Variants in IFT88 observed in about 807,000 individuals in gnomAD.
The protein encoded by IFT88 is intraflagellar transport protein 88 homolog.
A neutral mutation model predicts 119.5 loss-of-function variants in IFT88; 74 were observed. That is an observed-to-expected ratio of 0.62 (90% CI 0.51 to 0.75). IFT88 has a LOEUF of 0.75. IFT88 is among the 30% of genes least tolerant of loss of function. The pLI, the probability that IFT88 is intolerant of heterozygous loss-of-function variation, is 0.00. For missense variants in IFT88, 961 were observed against 977.7 expected (o/e 0.98, Z 0.23); for synonymous variants, 279 against 316.7 (o/e 0.88, Z 1.26).
chr13:20,567,379 C>G (rs981436304), intron 1 of IFT88, 123 bp downstream of exon 1: 1 of 152,378 alleles, frequency 6.6e-6, no homozygotes, highest in African/African-American at 2.4e-5. Flanking sequence ...CCTGTCGGCC[C>G]CGGGGCGGTC....
At chr13:20,570,973 ATTTT>A (rs1037299516) in intron 1 of IFT88, among the ~76,000 whole-genome samples, 18 of 152,020 alleles carry the variant, frequency 1.2e-4, no homozygotes, top group African/African-American at 4.3e-4. Context: ...CTGAAAATTT[ATTTT>A]TTATTTATTT....
At chr13:20,598,806 A>C in intron 10 of IFT88, 53 bp downstream of exon 10, 1 of 1,035,640 alleles carries the variant, frequency 9.7e-7, no homozygotes, top group Non-Finnish European at 1.5e-6. Flanking sequence ...CGTAGTGTTA[A>C]TTTATGTCTC....
chr13:20,668,719 A>C (rs754080416), intron 23 of IFT88, among the ~76,000 whole-genome samples: 1 of 152,126 alleles, frequency 6.6e-6, no homozygotes, highest in Non-Finnish European at 1.5e-5. Context: ...GGGGACACAC[A>C]GGGGGTCTCC....
At chr13:20,625,058 C>G (rs182788409) in intron 14 of IFT88, among the ~76,000 whole-genome samples, 5 of 152,268 alleles carry the variant, frequency 3.3e-5, no homozygotes, top group Admixed American at 6.5e-5. Context: ...CACCCCCTAT[C>G]TCTTCTGTTA....
intron 25 of IFT88, 119 bp from the exon 26 acceptor site, chr13:20,690,935 G>T: frequency 7.1e-7 from 1 of 1,407,372 alleles, no homozygotes; most frequent in East Asian, 2.3e-5. Context: ...AATTTAAAAT[G>T]ACTTGGGAGA....
Position 20,644,868 on chromosome 13 carries a change from T to C in IFT88, c.1859T>C (p.Ile620Thr), listed in dbSNP as rs2050496356. Residue 620 changes from isoleucine (I) to threonine (T), a missense_variant, in exon 20 of 26, where the codon ATT (isoleucine) becomes ACT (threonine). Ile to Thr is a moderately conservative substitution (Grantham distance 89). Coordinates refer to ENST00000351808, the MANE Select transcript of IFT88 (RefSeq NM_006531.5). The stretch of plus-strand genomic sequence containing the variant: ...TCATATAGGTATTTTCCTTGTAATA[T>C]TGAAGTCATTGAGTGGCTTGGAGCC... Reference protein sequence around the residue: ...YESYRYFPCNIEVIEWLGAYY... With the variant: ...YESYRYFPCNTEVIEWLGAYY... 5.0e-6 allele frequency: 8 copies of C among 1,584,908 alleles called. No homozygotes were observed. Among genetic ancestry groups the C allele is most frequent in the Middle Eastern group, 1.7e-4 (1 of 5,764 alleles).
intron 22 of IFT88, among the ~76,000 whole-genome samples, chr13:20,657,158 A>G (rs1391774419): frequency 6.6e-6 from 1 of 152,172 alleles, no homozygotes; most frequent in Non-Finnish European, 1.5e-5. Flanking sequence ...TCCTGGCGGC[A>G]AATAATTTTT....
At chr13:20,579,373 T>C (rs189579388) in intron 2 of IFT88, among the ~76,000 whole-genome samples, 41 of 152,298 alleles carry the variant, frequency 2.7e-4, no homozygotes, top group African/African-American at 9.9e-4. Context: ...GACAAAGTCC[T>C]TTCCACTCTT....
intron 24 of IFT88, among the ~76,000 whole-genome samples, chr13:20,673,854 T>A (rs2056269646): frequency 6.6e-6 from 1 of 152,220 alleles, no homozygotes; most frequent in Non-Finnish European, 1.5e-5. Flanking sequence ...GAGAGACTTT[T>A]GGCATACAAA....
At chr13:20,620,314 T>C (rs1371421395) in intron 14 of IFT88, among the ~76,000 whole-genome samples, 1 of 152,236 alleles carries the variant, frequency 6.6e-6, no homozygotes, top group Non-Finnish European at 1.5e-5. Context: ...ACCTTTGACA[T>C]ATACCAAGTG....
chr13:20,601,590 C>T, intron 11 of IFT88, 115 bp from the exon 12 acceptor site: 1 of 621,152 alleles, frequency 1.6e-6, no homozygotes, highest in Non-Finnish European at 2.8e-6. Flanking sequence ...AAAGCTTTAA[C>T]AAAACAAAAA....
chr13:20,615,934 C>A, intron 14 of IFT88, 55 bp downstream of exon 14: 1 of 944,442 alleles, frequency 1.1e-6, no homozygotes, highest in Non-Finnish European at 1.6e-6. Context: ...ATAATTTATA[C>A]TTTTAAATTT....
At chr13:20,664,862 G>T (rs571559117) in intron 23 of IFT88, among the ~76,000 whole-genome samples, 1 of 152,074 alleles carries the variant, frequency 6.6e-6, no homozygotes, top group African/African-American at 2.4e-5. Flanking sequence ...GGCAGATCAC[G>T]AGGTCAGGAG....
chr13:20,655,235 C>T (rs2052540647), intron 21 of IFT88, among the ~76,000 whole-genome samples: 1 of 151,892 alleles, frequency 6.6e-6, no homozygotes, highest in East Asian at 1.9e-4. Context: ...AGATCGAGAC[C>T]ATCCTGGCCA....
chr13:20,633,177 C>T (rs2048464501), intron 16 of IFT88, among the ~76,000 whole-genome samples: 1 of 152,064 alleles, frequency 6.6e-6, no homozygotes, highest in Non-Finnish European at 1.5e-5. Flanking sequence ...TCTCACACTG[C>T]TATAAAGAAA....
At chr13:20,581,729 T>G (rs139758512) in intron 2 of IFT88, among the ~76,000 whole-genome samples, 4 of 152,056 alleles carry the variant, frequency 2.6e-5, no homozygotes, top group Admixed American at 2.6e-4. Context: ...AGTGTGTGCC[T>G]GTAGTCCCAG....
intron 15 of IFT88, among the ~76,000 whole-genome samples, chr13:20,627,218 C>T (rs2047482211): frequency 6.6e-6 from 1 of 152,112 alleles, no homozygotes; most frequent in Admixed American, 6.5e-5. Flanking sequence ...ATCATCACAT[C>T]CTTGGTCATG....
intron 24 of IFT88, among the ~76,000 whole-genome samples, chr13:20,683,192 G>A (rs7982682): frequency 0.17 from 26,074 of 151,980 alleles, 2,689 homozygotes; most frequent in African/African-American, 0.28. Context: ...TTTACTCAGC[G>A]GCCACTGCTC....
At chr13:20,614,396 A>G (rs942701415) in intron 13 of IFT88, 6 of 152,220 alleles carry the variant, frequency 3.9e-5, no homozygotes, top group African/African-American at 1.4e-4. Flanking sequence ...ACAAAAAGGA[A>G]TGAATATTGA....
Sources: gnomAD v4.1 joint callset for allele counts (sites outside exome capture counted in the v4.1 genomes callset) on GRCh38, gnomAD v4.1.1 for gene constraint, MANE v1.5 for transcripts, NCBI Gene and HGNC (gene_info 2026-07-23, HGNC 2026-07-21) for gene names.